Variants in P2RX5 observed in about 807,000 individuals in gnomAD.
P2RX5 encodes P2X purinoceptor 5.
Under a neutral mutation model 54.1 loss-of-function variants are expected in P2RX5, and 46 were observed. The observed-to-expected ratio is 0.85, with a 90% CI of 0.67 to 1.09. P2RX5 has a LOEUF of 1.09. Among genes scored for constraint, P2RX5 ranks in the 50% least tolerant of loss-of-function variants. P2RX5 has a pLI of 0.00. For synonymous variants in P2RX5, 226 were observed against 226.4 expected, an observed-to-expected ratio of 1.00 and a Z score of 0.02; for missense variants, 566 against 549.8, an observed-to-expected ratio of 1.03 and a Z score of -0.29.
At chr17:3,706,711 AAG>A in the P2RX5 span, among the ~76,000 whole-genome samples, 7 of 152,112 alleles carry the variant, frequency 4.6e-5, no homozygotes, top group Non-Finnish European at 8.8e-5. Context: ...TCCCGGGTTC[AAG>A]TGATTCTCCT....
chr17:3,723,775 G>A, the P2RX5 span: 300 of 1,602,616 alleles, frequency 1.9e-4, no homozygotes, highest in Non-Finnish European at 2.3e-4. Flanking sequence ...GCGACGCGCT[G>A]AACAAACCAA....
the P2RX5 span, chr17:3,720,350 T>C: frequency 5.0e-6 from 8 of 1,592,064 alleles, no homozygotes; most frequent in Admixed American, 1.0e-4. Flanking sequence ...ATATAGAGAT[T>C]TGTTGAAAGA....
chr17:3,682,369 T>G (rs1295241840), intron 9 of P2RX5: 1 of 348,784 alleles, frequency 2.9e-6, no homozygotes, highest in Non-Finnish European at 5.6e-6. Flanking sequence ...GGCGTGTCGA[T>G]GACGACCCAC....
At chr17:3,683,482 C>A (rs998555110) in intron 9 of P2RX5, among the ~76,000 whole-genome samples, 5 of 152,230 alleles carry the variant, frequency 3.3e-5, no homozygotes, top group African/African-American at 7.2e-5. Context: ...CCTGTGATCC[C>A]AGCACTGGGA....
chr17:3,689,579 A>G lies in P2RX5; in HGVS notation c.666T>C (p.Phe222=). 1 of 1,614,198 alleles carries G rather than the reference A, an allele frequency of 6.2e-7. No homozygotes were observed. Among genetic ancestry groups the G allele is most frequent in the Non-Finnish European group, 8.5e-7 (1 of 1,180,024 alleles). ...KDRSFLKSCH[F]GPKNHYCPIF... ...TGGGGCAGTAGTGGTTCTTGGGGCC[A>G]AAGTGGCATGATTTCAGGAAAGATC... Residue 222 remains phenylalanine (F), a synonymous_variant, in exon 7 of 12, where the codon TTT becomes TTC. Coordinates refer to ENST00000225328, the MANE Select transcript of P2RX5 (RefSeq NM_002561.4).
At chr17:3,701,748 T>TG in the P2RX5 span, among the ~76,000 whole-genome samples, 5 of 96,184 alleles carry the variant, frequency 5.2e-5, no homozygotes, top group Admixed American at 1.9e-4. Context: ...TTTTCTCTGT[T>TG]TTTTTTTTTT....
At position 3,681,992 on chromosome 17, in the gene P2RX5, G is replaced by T; in HGVS notation, c.982-14C>A. On this transcript the variant is annotated splice_polypyrimidine_tract_variant and intron_variant, in intron 9 of 11. Transcript: ENST00000225328. ...GAAGAAAGCACCCTGCAAAACAGGG[G>T]TTCCTGATTCAGAATCCTAGACCTC... 1 of 1,588,380 alleles carries T rather than the reference G, an allele frequency of 6.3e-7. No homozygotes were observed. The highest frequency in any genetic ancestry group is 8.6e-7 in the Non-Finnish European group (1 of 1,156,920).
the P2RX5 span, among the ~76,000 whole-genome samples, chr17:3,720,888 T>C: frequency 5.3e-5 from 8 of 151,472 alleles, no homozygotes; most frequent in African/African-American, 1.9e-4. Context: ...TGGCCTTTTC[T>C]TCAACTTCTT....
At chr17:3,680,804 TGCATCCTCCACCCTGCATCCTCCACCCA>T (rs2050251400) in intron 10 of P2RX5, among the ~76,000 whole-genome samples, 7 of 100,800 alleles carry the variant, frequency 6.9e-5, no homozygotes, top group African/African-American at 1.6e-4. Context: ...TCCTCCACCC[TGCATCCTCCACCCTGCATCCTCCACCCA>T]GCGTCCTCCA....
chr17:3,722,533 C>T, the P2RX5 span: 1 of 149,254 alleles, frequency 6.7e-6, no homozygotes, highest in African/African-American at 2.5e-5. Flanking sequence ...TAAGAAGAAA[C>T]CACCTACGTC....
the P2RX5 span, among the ~76,000 whole-genome samples, chr17:3,701,703 A>ATAAAAAAAAT: frequency 4.2e-5 from 4 of 94,564 alleles, no homozygotes; most frequent in Non-Finnish European, 6.1e-5. Flanking sequence ...TCAGAAAAAA[A>ATAAAAAAAAT]AAAAAAAAAA....
At position 3,690,073 on chromosome 17, in the gene P2RX5, GAGA is replaced by G; in HGVS notation, c.608_610del (p.Phe203del). On this transcript the variant is annotated inframe_deletion, in exon 6 of 12. Coordinates refer to ENST00000225328, the MANE Select transcript of P2RX5 (RefSeq NM_002561.4). ...CCCAGTAGCCAAGCCCACGTACTTGGAGAAGTTGAATTTGGGGAAACGGATGTG... is the reference window on the plus strand; with the variant it reads ...CCCAGTAGCCAAGCCCACGTACTTGGAGTTGAATTTGGGGAAACGGATGTG... 6.2e-7 allele frequency: 1 copy of G among 1,614,118 alleles called. No individual in the cohort carries two copies. The highest frequency in any genetic ancestry group is 1.3e-5 in the African/African-American group (1 of 75,080).
chr17:3,717,327 C>A, the P2RX5 span: 1 of 153,376 alleles, frequency 6.5e-6, no homozygotes, highest in African/African-American at 2.4e-5. Context: ...GTCTTCCCCT[C>A]ACCAGACTAA....
At chr17:3,699,095 C>CACACACACATA (rs60173844), upstream of P2RX5, among the ~76,000 whole-genome samples, 2,668 of 100,186 alleles carry the variant, frequency 0.027, 73 homozygotes, top group Middle Eastern at 0.034. Flanking sequence ...ACACACACAC[C>CACACACACATA]TATATATATA....
intron 1 of P2RX5, among the ~76,000 whole-genome samples, chr17:3,694,349 C>T (rs558974497): frequency 1.4e-4 from 21 of 152,156 alleles, no homozygotes; most frequent in Admixed American, 1.2e-3. Context: ...GGATTACAGG[C>T]GCCACTATCA....
intron 11 of P2RX5, chr17:3,678,174 G>T: frequency 1.1e-6 from 1 of 913,504 alleles, no homozygotes; most frequent in Non-Finnish European, 1.3e-6. Context: ...GGGCAGAGAG[G>T]ACTGTCGGGA....
At chr17:3,712,371 G>A in the P2RX5 span, among the ~76,000 whole-genome samples, 1 of 152,186 alleles carries the variant, frequency 6.6e-6, no homozygotes, top group African/African-American at 2.4e-5. Context: ...GGGGCTCCAT[G>A]AGAGGTGAAT....
the P2RX5 span, among the ~76,000 whole-genome samples, chr17:3,722,141 T>C: frequency 6.7e-6 from 1 of 148,338 alleles, no homozygotes; most frequent in Non-Finnish European, 1.5e-5. Flanking sequence ...ATCGTGCCAT[T>C]GCACAACAAG....
rs755746103 is a variant in P2RX5, at chr17:3,696,027, G to GCGGAC, written c.-27_-23dup. 6 of 1,612,308 alleles carry GCGGAC rather than the reference G, an allele frequency of 3.7e-6. No homozygotes were observed. Among genetic ancestry groups the GCGGAC allele is most frequent in the African/African-American group, 1.3e-5 (1 of 74,888 alleles). ...CCATGGCGCGCTCTCAGCCGGGCTTGCGGACCGCCCGGCCCACGTGCGCTC... is the reference window on the plus strand; with the variant it reads ...CCATGGCGCGCTCTCAGCCGGGCTTGCGGACCGGACCGCCCGGCCCACGTGCGCTC... On this transcript the variant is annotated 5_prime_UTR_variant, in exon 1 of 12. An upstream open reading frame in the 5' UTR gains an earlier in-frame stop. Transcript: ENST00000225328.
Sources: allele counts gnomAD v4.1 joint callset (sites outside exome capture counted in the v4.1 genomes callset), GRCh38; gene constraint gnomAD v4.1.1; transcripts MANE v1.5; gene names NCBI Gene and HGNC (gene_info 2026-07-23, HGNC 2026-07-21).